KRT40: variants seen among roughly 807,000 people sequenced by gnomAD.
KRT40 encodes keratin 40.
A neutral mutation model predicts 43.5 loss-of-function variants in KRT40; 47 were observed. That is an observed-to-expected ratio of 1.08 (90% CI 0.86 to 1.38). The LOEUF (loss-of-function observed/expected upper bound fraction) is 1.38. Among genes scored for constraint, KRT40 ranks in the 40% most tolerant of loss-of-function variants. KRT40 has a pLI of 0.00. For missense variants in KRT40, 573 were observed against 523.6 expected (o/e 1.09, Z -0.92); for synonymous variants, 212 against 214.0 (o/e 0.99, Z 0.08).
At position 40,984,012 on chromosome 17, in the gene KRT40, T is replaced by G. The variant is rs1212856516; in HGVS notation, c.262A>C (p.Asn88His). The change falls in exon 1 of 7, where the codon AAT becomes CAT. Residue 88 changes from asparagine (N) to histidine (H), a missense_variant. Coordinates refer to ENST00000377755, the MANE Select transcript of KRT40 (RefSeq NM_001389244.1). ...AGGAACTGCATCGTCTCCTTCTCAT[T>G]GCTAGTGAACACCCCATCCTCACAC... ...AWCEDGVFTS[N>H]EKETMQFLND... The G allele has an allele frequency of 6.2e-7, 1 of 1,613,920 alleles. No homozygotes were observed. Among genetic ancestry groups the G allele is most frequent in the African/African-American group, 1.3e-5 (1 of 74,876 alleles).
chr17:40,982,869 C>G (rs78895711), intron 2 of KRT40, among the ~76,000 whole-genome samples, 177 bp downstream of exon 2: 19,965 of 151,846 alleles, frequency 0.13, 1,400 homozygotes, highest in South Asian at 0.18. Context: ...CTAGGTGTGG[C>G]GGTGCACGCC....
chr17:40,986,462 C>T (rs1000039296), upstream of KRT40: 3 of 152,256 alleles, frequency 2.0e-5, no homozygotes, highest in Admixed American at 6.5e-5. Context: ...CAAGCACCAT[C>T]CTGTAAAATC....
In KRT40 at chr17:40,978,980, G is replaced by A; in HGVS notation, c.1020C>T (p.Tyr340=). The A allele has an allele frequency of 6.2e-7, 1 of 1,614,102 alleles. No individual in the cohort carries two copies. Among genetic ancestry groups the A allele is most frequent in the Non-Finnish European group, 8.5e-7 (1 of 1,179,990 alleles). ...ECTVAETEAQ[Y]SSQLAQIQCL... ...ACTGAATTTGGGCCAGCTGGGAGCT[G>A]TACTGGGCCTCGGTTTCTGCCACGG... The change falls in exon 6 of 7, where the codon TAC becomes TAT. Residue 340 remains tyrosine (Y), a synonymous_variant. Transcript: ENST00000377755.
Position 40,983,942 on chromosome 17 carries a change from T to C in KRT40, c.332A>G (p.Glu111Gly), listed in dbSNP as rs200400895. 1.3e-4 allele frequency: 206 copies of C among 1,614,144 alleles called. No individual in the cohort carries two copies. The African/African-American group carries it at 2.5e-3, about 19-fold the overall frequency. The change falls in exon 1 of 7, where the codon GAG becomes GGG. Residue 111 changes from glutamate to glycine, a missense_variant. Physicochemically the swap from Glu to Gly is moderately conservative, Grantham distance 98. Coordinates refer to ENST00000377755, the MANE Select transcript of KRT40 (RefSeq NM_001389244.1). Reference protein sequence around the residue: ...ASYLEKVRSLEETNAELESRI... With the variant: ...ASYLEKVRSLGETNAELESRI... Reference sequence around the variant, plus strand: ...GGATTCCAGCTCTGCGTTGGTCTCCTCCAGGCTGCGCACCTTCTCCAGATA... The same window carrying C: ...GGATTCCAGCTCTGCGTTGGTCTCCCCCAGGCTGCGCACCTTCTCCAGATA...
chr17:40,986,161 C>T (rs1212398949), upstream of KRT40: 1 of 152,220 alleles, frequency 6.6e-6, no homozygotes, highest in Non-Finnish European at 1.5e-5. Context: ...CTGGCAGGAC[C>T]AGAGGAAAGC....
In KRT40 at chr17:40,981,037, C is replaced by G; in HGVS notation, c.802G>C (p.Val268Leu). ...GCTTCTCTGCGATTGTTGGCAAGCA[C>G]CGTTTCACACTGACAGCGCATCTCA... ...LDEMRCQCET[V>L]LANNRREAEE... The change falls in exon 4 of 7, where the codon GTG becomes CTG. Residue 268 changes from valine to leucine, a missense_variant. Transcript: ENST00000377755. 1 of 1,614,244 alleles carries G rather than the reference C, an allele frequency of 6.2e-7. No individual in the cohort carries two copies. Among genetic ancestry groups the G allele is most frequent in the South Asian group, 1.1e-5 (1 of 91,088 alleles).
At chr17:40,985,919 T>G (rs1174168985), upstream of KRT40, among the ~76,000 whole-genome samples, 1 of 152,228 alleles carries the variant, frequency 6.6e-6, no homozygotes, top group Non-Finnish European at 1.5e-5. Flanking sequence ...TTAGCTAAAA[T>G]GCAGTCATGT....
Position 40,983,095 on chromosome 17 carries a change from C to T in KRT40, c.481G>A (p.Ala161Thr). ...LCTKAENSRL[A>T]VQLDNCKLAT... ...AGTTTGCAGTTGTCAAGCTGTACAG[C>T]AAGTCTAGAATTCTCTGCTTTCGTG... The change falls in exon 2 of 7, where the codon GCT (alanine) becomes ACT (threonine). Residue 161 changes from alanine (A) to threonine (T), a missense_variant. Ala to Thr is a moderately conservative substitution (Grantham distance 58). Transcript: ENST00000377755. 3.3e-6 allele frequency: 5 copies of T among 1,522,774 alleles called. No homozygotes were observed. The South Asian group carries it at 4.6e-5, about 14-fold the overall frequency. The allele number at this position is 1,522,774 out of a possible 1,614,324, so 94.3% of individuals were successfully genotyped here. A position where few individuals can be genotyped will look rare whatever the true frequency, so the allele number is the denominator to read the frequency against.
chr17:40,980,638 C>A, intron 5 of KRT40, 147 bp downstream of exon 5: 1 of 1,045,348 alleles, frequency 9.6e-7, no homozygotes, highest in Non-Finnish European at 1.4e-6. Context: ...AGCTGTGGAC[C>A]TGTCACTTCT....
At chr17:40,983,432 C>A (rs1912289857) in intron 1 of KRT40, among the ~76,000 whole-genome samples, 1 of 152,150 alleles carries the variant, frequency 6.6e-6, no homozygotes, top group South Asian at 2.1e-4. Flanking sequence ...ATGAGTATAT[C>A]CTCTCCCATA....
In KRT40 at chr17:40,982,664, T is replaced by A. The variant is rs4998925; in HGVS notation, c.531-201A>T. Among the ~76,000 whole-genome samples the A allele has an allele frequency of 1.9e-3, 225 of 116,946 alleles. 1 individual carries two copies. Among genetic ancestry groups the A allele is most frequent in the African/African-American group, 9.6e-3 (217 of 22,706 alleles). 76.7% of individuals were successfully genotyped at this position (116,946 alleles called of 152,430 possible). A position where few individuals can be genotyped will look rare whatever the true frequency, so the allele number is the denominator to read the frequency against. On this transcript the variant is annotated intron_variant, in intron 2 of 6. Transcript: ENST00000377755. ...GAGAATATTTGTGTGTGTGTGTGTG[T>A]GTGAGAGAGAGAGATTGAGAGAGAG... is the stretch of plus-strand genomic sequence containing the variant.
chr17:40,978,245 C>T lies in KRT40; in HGVS notation c.1248G>A (p.Glu416=), dbSNP rs371079150. The T allele has an allele frequency of 1.3e-4, 203 of 1,614,090 alleles. No individual in the cohort carries two copies. Among genetic ancestry groups the T allele is most frequent in the Admixed American group, 7.0e-4 (42 of 60,012 alleles). ...STTCTSSNTC[E]PCSAYVICTV... is the part of the protein sequence containing the mutation. ...TGCAGATGACATAGGCTGAGCATGG[C>T]TCACAAGTGTTGCTCGAGGTGCATG... The change falls in exon 7 of 7, where the codon GAG becomes GAA. Residue 416 remains glutamate, a synonymous_variant. Transcript: ENST00000377755.
intron 6 of KRT40, 133 bp from the exon 7 acceptor site, chr17:40,978,429 G>T: frequency 1.4e-6 from 1 of 715,090 alleles, no homozygotes. Context: ...ATTGACTGAA[G>T]CCTGTTTCTT....
chr17:40,985,028 T>A (rs1408384927), upstream of KRT40, among the ~76,000 whole-genome samples: 5 of 152,236 alleles, frequency 3.3e-5, no homozygotes, highest in Admixed American at 2.6e-4. Context: ...TTCTCATTGC[T>A]TATTGTTAGA....
At chr17:40,986,744 C>A (rs1421447668), upstream of KRT40, among the ~76,000 whole-genome samples, 3 of 145,826 alleles carry the variant, frequency 2.1e-5, no homozygotes, top group South Asian at 2.2e-4. Flanking sequence ...AAAAAAAAAA[C>A]CGACAACAAC....
intron 3 of KRT40, chr17:40,981,409 T>C (rs926082899): frequency 1.0e-5 from 7 of 680,190 alleles, no homozygotes; most frequent in Non-Finnish European, 1.6e-5. Flanking sequence ...AATTAACTTA[T>C]AAAAGTTAAT....
At chr17:40,982,098 C>T (rs1367787992) in intron 3 of KRT40, among the ~76,000 whole-genome samples, 1 of 151,894 alleles carries the variant, frequency 6.6e-6, no homozygotes, top group Non-Finnish European at 1.5e-5. Flanking sequence ...AGGCTGGTCT[C>T]GAACTCCTGA....
In KRT40 at chr17:40,982,459, C is replaced by T. The variant is rs748128679; in HGVS notation, c.535G>A (p.Glu179Lys). 2.5e-6 allele frequency: 4 copies of T among 1,574,334 alleles called. No homozygotes were observed. The highest frequency in any genetic ancestry group is 1.9e-5 in the Admixed American group (1 of 52,408). ...LATDDFKSKY[E>K]SELSLRQLLE... ...AGCTGGCGAAGGGACAGTTCACTCT[C>T]GTACCTTTCACAGCAAAAGAGAAAT... The change falls in exon 3 of 7, where the codon GAG becomes AAG. Residue 179 changes from glutamate to lysine, a missense_variant. Glu to Lys is a moderately conservative substitution (Grantham distance 56). Coordinates refer to ENST00000377755, the MANE Select transcript of KRT40 (RefSeq NM_001389244.1).
chr17:40,980,007 G>A lies in KRT40; in HGVS notation c.975+778C>T, dbSNP rs573961353. 1.2e-3 allele frequency among the ~76,000 whole-genome samples: 188 copies of A among 151,930 alleles called. 1 individual carries two copies. The highest frequency in any genetic ancestry group is 4.4e-3 in the African/African-American group (183 of 41,440). The stretch of plus-strand genomic sequence containing the variant: ...GCATGTAACAAAATATCACATCTAC[G>A]TAAAAAAAATTTACGCATATTATAT... On this transcript the variant is annotated intron_variant, in intron 5 of 6. Transcript: ENST00000377755.
Sources: allele counts gnomAD v4.1 joint callset (sites outside exome capture counted in the v4.1 genomes callset), GRCh38; gene constraint gnomAD v4.1.1; transcripts MANE v1.5; gene names NCBI Gene and HGNC (gene_info 2026-07-23, HGNC 2026-07-21).